Variants in ROR1 observed in about 807,000 individuals in gnomAD.
The protein encoded by ROR1 is ROR family WNT receptor 1.
ROR1 carries 19 observed loss-of-function variants against 78.8 expected under a neutral mutation model. That is an observed-to-expected ratio of 0.24 (90% CI 0.17 to 0.35). The LOEUF (loss-of-function observed/expected upper bound fraction) is 0.35, where lower values mean the gene tolerates loss of function less well. ROR1 is among the 10% of genes least tolerant of loss of function. The pLI is 1.00. For missense variants in ROR1, 917 were observed against 1,177.8 expected (o/e 0.78, Z 3.24); for synonymous variants, 386 against 433.6 (o/e 0.89, Z 1.36).
At chr1:64,054,466 T>C (rs916439099) in intron 4 of ROR1, among the ~76,000 whole-genome samples, 2 of 152,184 alleles carry the variant, frequency 1.3e-5, no homozygotes, top group African/African-American at 2.4e-5. Flanking sequence ...GTAAAACTAA[T>C]TTTAATTTGG....
chr1:63,782,556 TG>T (rs66463480), intron 1 of ROR1, among the ~76,000 whole-genome samples: 17,193 of 108,210 alleles, frequency 0.16, 1,191 homozygotes, highest in African/African-American at 0.34. Context: ...TTTTTTTTTT[TG>T]TTTTTTTTTT....
chr1:64,156,822 G>A (rs115525243), intron 7 of ROR1, among the ~76,000 whole-genome samples: 1,527 of 152,004 alleles, frequency 0.01, 13 homozygotes, highest in Non-Finnish European at 0.016. Context: ...GAAACAAGAG[G>A]AACCCTACTA....
intron 4 of ROR1, among the ~76,000 whole-genome samples, chr1:64,136,947 C>T (rs1413019670): frequency 2.6e-5 from 4 of 152,068 alleles, no homozygotes; most frequent in East Asian, 3.9e-4. Flanking sequence ...CCCTAATTGA[C>T]GTGTCAGTTG....
intron 1 of ROR1, among the ~76,000 whole-genome samples, chr1:63,846,919 G>T (rs1418898595): frequency 1.3e-5 from 2 of 152,192 alleles, no homozygotes; most frequent in East Asian, 1.9e-4. Context: ...GGCCTTGGAG[G>T]TGAAGTCACT....
At chr1:64,156,790 C>T (rs1649786738) in intron 7 of ROR1, among the ~76,000 whole-genome samples, 1 of 151,976 alleles carries the variant, frequency 6.6e-6, no homozygotes, top group African/African-American at 2.4e-5. Context: ...TTTCAGATCA[C>T]CCTCATCCTT....
chr1:63,805,155 G>T (rs1644820849), intron 1 of ROR1, among the ~76,000 whole-genome samples: 2 of 152,154 alleles, frequency 1.3e-5, no homozygotes, highest in Non-Finnish European at 2.9e-5. Context: ...GGCCCAAATG[G>T]AGCCAAAAAA....
chr1:64,023,690 T>C (rs1216088747), intron 2 of ROR1, among the ~76,000 whole-genome samples: 1 of 152,230 alleles, frequency 6.6e-6, no homozygotes, highest in Non-Finnish European at 1.5e-5. Context: ...ATATATTTAC[T>C]GAAAAGGAAT....
intron 1 of ROR1, among the ~76,000 whole-genome samples, chr1:63,897,515 A>C (rs1010096990): frequency 3.3e-5 from 5 of 152,254 alleles, no homozygotes; most frequent in East Asian, 1.9e-4. Context: ...ACTGTTTTCC[A>C]CATAAAGTTT....
At chr1:63,833,214 C>T (rs1203910204) in intron 1 of ROR1, among the ~76,000 whole-genome samples, 4 of 152,210 alleles carry the variant, frequency 2.6e-5, no homozygotes, top group Non-Finnish European at 5.9e-5. Context: ...TATTAATCCA[C>T]TTAAGTACAA....
chr1:64,087,884 G>T (rs186572145), intron 4 of ROR1, among the ~76,000 whole-genome samples: 1 of 152,316 alleles, frequency 6.6e-6, no homozygotes, highest in African/African-American at 2.4e-5. Context: ...CTAGGCTTTT[G>T]CTGGGTTTCT....
intron 4 of ROR1, among the ~76,000 whole-genome samples, chr1:64,053,433 G>A (rs770796576): frequency 2.6e-5 from 4 of 152,154 alleles, no homozygotes; most frequent in Non-Finnish European, 4.4e-5. Context: ...GTTTACAGTA[G>A]GAACAAGCTT....
intron 1 of ROR1, among the ~76,000 whole-genome samples, chr1:63,922,740 A>G (rs965674257): frequency 2.6e-5 from 4 of 152,080 alleles, no homozygotes; most frequent in African/African-American, 9.7e-5. Context: ...TGTGATGTTG[A>G]TGGTTTTGTT....
In ROR1 at chr1:63,860,231, G is replaced by T. The variant is rs541608290; in HGVS notation, c.91+85723G>T. Among the ~76,000 whole-genome samples the T allele has an allele frequency of 4.6e-5, 7 of 152,260 alleles. No homozygotes were observed. The East Asian group carries it at 1.2e-3, about 25-fold the overall frequency. On this transcript the variant is annotated intron_variant, in intron 1 of 8. Transcript: ENST00000371079. ...ACACTGAGTAATATATATTGTAGCT[G>T]TTCAATAAAACTTTATTGGATTTAA...
chr1:64,022,480 T>C (rs1646572786), intron 2 of ROR1, among the ~76,000 whole-genome samples: 1 of 152,248 alleles, frequency 6.6e-6, no homozygotes, highest in African/African-American at 2.4e-5. Flanking sequence ...GCTATTCTTC[T>C]GTACTGCCAG....
rs1645446892 is a variant in ROR1, at chr1:63,897,160, C to T, written c.92-112145C>T. Among the ~76,000 whole-genome samples the T allele has an allele frequency of 2.0e-5, 3 of 152,322 alleles. No individual in the cohort carries two copies. In the South Asian group the frequency reaches 6.2e-4, roughly 32 times the overall value. On this transcript the variant is annotated intron_variant, in intron 1 of 8. Coordinates refer to ENST00000371079, the MANE Select transcript of ROR1 (RefSeq NM_005012.4). ...TATTCATCTGTGATGCTGGTCAGCCCTTCCCCTGGATAGAAATTTTCTCTC... is the reference window on the plus strand; with the variant it reads ...TATTCATCTGTGATGCTGGTCAGCCTTTCCCCTGGATAGAAATTTTCTCTC...
chr1:64,050,117 G>A (rs1489516096), intron 3 of ROR1, 139 bp downstream of exon 3: 1 of 962,864 alleles, frequency 1.0e-6, no homozygotes, highest in Non-Finnish European at 1.5e-6. Context: ...ACCTGGTATG[G>A]TTGTACCCAT....
chr1:63,855,840 G>A (rs1645145048), intron 1 of ROR1, among the ~76,000 whole-genome samples: 1 of 150,718 alleles, frequency 6.6e-6, no homozygotes, highest in Non-Finnish European at 1.5e-5. Context: ...TGTATTTTTA[G>A]TAGAGACGGC....
At chr1:63,938,690 T>C (rs1645812660) in intron 1 of ROR1, among the ~76,000 whole-genome samples, 1 of 152,248 alleles carries the variant, frequency 6.6e-6, no homozygotes, top group Non-Finnish European at 1.5e-5. Context: ...TTTTTTTGTT[T>C]TAATTTTTAA....
At chr1:63,998,941 G>A (rs1646361189) in intron 1 of ROR1, among the ~76,000 whole-genome samples, 1 of 152,138 alleles carries the variant, frequency 6.6e-6, no homozygotes, top group South Asian at 2.1e-4. Flanking sequence ...GTTTTATAAG[G>A]GATTTCCACT....
Sources: gnomAD v4.1 joint callset for allele counts (sites outside exome capture counted in the v4.1 genomes callset) on GRCh38, gnomAD v4.1.1 for gene constraint, MANE v1.5 for transcripts, NCBI Gene and HGNC (gene_info 2026-07-23, HGNC 2026-07-21) for gene names.